KCNU1: variants seen among roughly 807,000 people sequenced by gnomAD.
The protein encoded by KCNU1 is potassium channel subfamily U member 1.
In KCNU1, 93 loss-of-function variants were observed where a neutral mutation model predicts 126.8. That is an observed-to-expected ratio of 0.73 (90% CI 0.62 to 0.87). The LOEUF is 0.87. KCNU1 is among the 40% of genes least tolerant of loss of function. The pLI is 0.00. For missense variants in KCNU1, 1,330 were observed against 1,367.1 expected (o/e 0.97, Z 0.43); for synonymous variants, 523 against 494.2 (o/e 1.06, Z -0.77).
intron 24 of KCNU1, among the ~76,000 whole-genome samples, chr8:36,927,343 T>C (rs1808566863): frequency 6.6e-6 from 1 of 152,158 alleles, no homozygotes; most frequent in African/African-American, 2.4e-5. Context: ...AATATTCCTA[T>C]AGGATATAAT....
intron 24 of KCNU1, among the ~76,000 whole-genome samples, chr8:36,928,362 T>C (rs1808595344): frequency 1.3e-5 from 2 of 152,122 alleles, no homozygotes; most frequent in African/African-American, 4.8e-5. Flanking sequence ...CTCTACACTA[T>C]GGCCACATGT....
intron 18 of KCNU1, among the ~76,000 whole-genome samples, chr8:36,851,387 A>ATCTC (rs35502970): frequency 0.04 from 4,836 of 120,016 alleles, 263 homozygotes; most frequent in African/African-American, 0.13. Context: ...CTCTCTCTCT[A>ATCTC]TCTCTCTCTC....
At chr8:36,887,610 A>G (rs1039291967) in intron 19 of KCNU1, among the ~76,000 whole-genome samples, 1 of 152,086 alleles carries the variant, frequency 6.6e-6, no homozygotes, top group African/African-American at 2.4e-5. Flanking sequence ...TATCTGTAGA[A>G]AGTGCTGAAA....
chr8:36,886,479 A>C (rs540457369), intron 19 of KCNU1, among the ~76,000 whole-genome samples: 2 of 152,310 alleles, frequency 1.3e-5, no homozygotes, highest in Admixed American at 6.5e-5. Context: ...ACAAGCCGGG[A>C]AGTGTGCCTC....
chr8:36,904,796 T>A (rs918607917), intron 19 of KCNU1, among the ~76,000 whole-genome samples: 2 of 152,122 alleles, frequency 1.3e-5, no homozygotes, highest in Non-Finnish European at 2.9e-5. Flanking sequence ...GTAGAGCCTC[T>A]GTCCCCCAGG....
intron 18 of KCNU1, among the ~76,000 whole-genome samples, chr8:36,862,360 CTGT>C (rs1479271212): frequency 2.0e-5 from 3 of 152,140 alleles, no homozygotes; most frequent in Non-Finnish European, 2.9e-5. Context: ...TGGGGATAAA[CTGT>C]TGCAACTTCT....
At chr8:36,853,563 C>T (rs1176143699) in intron 18 of KCNU1, among the ~76,000 whole-genome samples, 1 of 151,942 alleles carries the variant, frequency 6.6e-6, no homozygotes, top group Non-Finnish European at 1.5e-5. Flanking sequence ...TGTGAATTTT[C>T]CTAATTTTCT....
chr8:36,855,834 A>C (rs1585466806), intron 18 of KCNU1, among the ~76,000 whole-genome samples: 1 of 151,932 alleles, frequency 6.6e-6, no homozygotes, highest in Admixed American at 6.6e-5. Flanking sequence ...CTTGGTTGGC[A>C]GTTTATTTCA....
intron 18 of KCNU1, among the ~76,000 whole-genome samples, chr8:36,863,366 T>G (rs751500599): frequency 6.6e-6 from 1 of 152,244 alleles, no homozygotes; most frequent in Non-Finnish European, 1.5e-5. Context: ...GAAAAGGTCA[T>G]GTCTCCTTTC....
intron 25 of KCNU1, 35 bp from the exon 26 acceptor site, chr8:36,932,885 C>T (rs2117619019): frequency 8.2e-7 from 1 of 1,213,518 alleles, no homozygotes; most frequent in African/African-American, 1.5e-5. Context: ...GATCAAAGTG[C>T]CCAGCAGACA....
intron 16 of KCNU1, among the ~76,000 whole-genome samples, chr8:36,842,859 G>A (rs893938213): frequency 2.6e-5 from 4 of 152,132 alleles, no homozygotes; most frequent in South Asian, 4.2e-4. Flanking sequence ...TAGTAGAGAC[G>A]GGATTTCACC....
At chr8:36,834,149 C>T (rs1804662422) in intron 11 of KCNU1, among the ~76,000 whole-genome samples, 1 of 152,102 alleles carries the variant, frequency 6.6e-6, no homozygotes, top group African/African-American at 2.4e-5. Context: ...ACAGCCAACC[C>T]TCTAGACAGG....
chr8:36,921,509 TC>T (rs1808344450), intron 23 of KCNU1, among the ~76,000 whole-genome samples: 1 of 151,888 alleles, frequency 6.6e-6, no homozygotes, highest in Non-Finnish European at 1.5e-5. Flanking sequence ...TGAAGCCCTA[TC>T]TCTACTAAAA....
intron 7 of KCNU1, among the ~76,000 whole-genome samples, chr8:36,811,713 T>C (rs1044738217): frequency 4.6e-5 from 7 of 151,874 alleles, no homozygotes; most frequent in African/African-American, 1.7e-4. Context: ...AGGCACATCA[T>C]TGGAGGTCAG....
At position 36,791,666 on chromosome 8, in the gene KCNU1, G is replaced by A. The variant is rs117539807; in HGVS notation, c.315+4241G>A. ...AAGCATCATAATTCATTTGGAAATG[G>A]GAAAGAATATTTCAAAAACGGTGCC... On this transcript the variant is annotated intron_variant, in intron 2 of 26. Coordinates refer to ENST00000399881, the MANE Select transcript of KCNU1 (RefSeq NM_001031836.3). 9.1e-4 allele frequency among the ~76,000 whole-genome samples: 139 copies of A among 152,098 alleles called. 2 individuals carry two copies. The East Asian group carries it at 0.024, about 26-fold the overall frequency.
At chr8:36,905,559 C>A in intron 19 of KCNU1, 149 bp from the exon 20 acceptor site, 1 of 607,322 alleles carries the variant, frequency 1.6e-6, no homozygotes, top group Non-Finnish European at 2.9e-6. Context: ...CAGACCTAAG[C>A]CTTTATTCTA....
intron 19 of KCNU1, among the ~76,000 whole-genome samples, chr8:36,875,555 T>G (rs1309697434): frequency 6.6e-6 from 1 of 151,858 alleles, no homozygotes; most frequent in Non-Finnish European, 1.5e-5. Flanking sequence ...CAAAGTGGCC[T>G]TTTAATCCAG....
At chr8:36,852,127 T>A (rs1000525288) in intron 18 of KCNU1, among the ~76,000 whole-genome samples, 2 of 152,180 alleles carry the variant, frequency 1.3e-5, no homozygotes, top group Admixed American at 1.3e-4. Context: ...GTTGAGATAA[T>A]TATGTGGTTT....
chr8:36,884,068 T>G (rs1806593848), intron 19 of KCNU1, among the ~76,000 whole-genome samples: 1 of 152,206 alleles, frequency 6.6e-6, no homozygotes, highest in Non-Finnish European at 1.5e-5. Context: ...GGCTAATTAC[T>G]GTTACCCACC....
Sources: gnomAD v4.1 joint callset for allele counts (sites outside exome capture counted in the v4.1 genomes callset) on GRCh38, gnomAD v4.1.1 for gene constraint, MANE v1.5 for transcripts, NCBI Gene and HGNC (gene_info 2026-07-23, HGNC 2026-07-21) for gene names.